Variants in MACROD2 observed in about 807,000 individuals in gnomAD.
MACROD2 encodes ADP-ribose glycohydrolase MACROD2.
Under a neutral mutation model 70.4 loss-of-function variants are expected in MACROD2, and 36 were observed. The ratio of observed to expected loss-of-function variants is 0.51; its 90% CI spans 0.39 to 0.68. The LOEUF is 0.68. MACROD2 is among the 30% of genes least tolerant of loss of function. MACROD2 has a pLI of 0.00. For missense variants in MACROD2, 496 were observed against 538.4 expected, an observed-to-expected ratio of 0.92 and a Z score of 0.78; for synonymous variants, 172 against 178.8, an observed-to-expected ratio of 0.96 and a Z score of 0.30.
intron 6 of MACROD2, among the ~76,000 whole-genome samples, chr20:15,329,225 A>G (rs1188535768): frequency 6.6e-6 from 1 of 152,166 alleles, no homozygotes; most frequent in Non-Finnish European, 1.5e-5. Flanking sequence ...AGAAGATACC[A>G]TAATGAAAAA....
intron 5 of MACROD2, among the ~76,000 whole-genome samples, chr20:14,821,014 G>C (rs1362900793): frequency 6.6e-6 from 1 of 151,996 alleles, no homozygotes; most frequent in Non-Finnish European, 1.5e-5. Context: ...TTAACATAGG[G>C]TCTTACATGC....
chr20:14,275,724 C>G (rs1216719880), intron 3 of MACROD2, among the ~76,000 whole-genome samples: 2 of 152,132 alleles, frequency 1.3e-5, no homozygotes, highest in African/African-American at 4.8e-5. Flanking sequence ...ATTTTCACAA[C>G]CTACTCATCT....
intron 9 of MACROD2, among the ~76,000 whole-genome samples, chr20:15,865,441 C>T (rs1157337966): frequency 6.6e-6 from 1 of 152,052 alleles, no homozygotes; most frequent in African/African-American, 2.4e-5. Context: ...TTTCTATTAG[C>T]CAGCCACAGC....
At chr20:15,234,009 A>ATATATATATT (rs1555795277) in intron 6 of MACROD2, among the ~76,000 whole-genome samples, 1 of 39,994 alleles carries the variant, frequency 2.5e-5, no homozygotes, top group African/African-American at 8.6e-5. Context: ...ATATATATAT[A>ATATATATATT]TTCTTTTTTT....
chr20:14,378,362 G>T (rs1340392390), intron 3 of MACROD2, among the ~76,000 whole-genome samples: 1 of 152,142 alleles, frequency 6.6e-6, no homozygotes, highest in African/African-American at 2.4e-5. Flanking sequence ...GATGGGCACT[G>T]CCTCACTTAA....
chr20:15,371,482 C>T (rs533941162), intron 6 of MACROD2, among the ~76,000 whole-genome samples: 1 of 152,170 alleles, frequency 6.6e-6, no homozygotes, highest in South Asian at 2.1e-4. Context: ...GTTTAATAAT[C>T]ACTTAAACTG....
intron 3 of MACROD2, among the ~76,000 whole-genome samples, chr20:14,087,754 C>T (rs1218022232): frequency 1.3e-5 from 2 of 152,000 alleles, no homozygotes; most frequent in African/African-American, 4.8e-5. Flanking sequence ...GAAGTCCTCT[C>T]CTGTAGTTTT....
chr20:15,833,464 T>G (rs144864944), intron 8 of MACROD2, among the ~76,000 whole-genome samples: 1 of 152,278 alleles, frequency 6.6e-6, no homozygotes, highest in East Asian at 1.9e-4. Flanking sequence ...ACACAAACAT[T>G]CTGATTTAAT....
chr20:14,414,942 T>C (rs63267862), intron 3 of MACROD2, among the ~76,000 whole-genome samples: 9 of 142,562 alleles, frequency 6.3e-5, no homozygotes, highest in Admixed American at 2.9e-4. Context: ...TTTTTTTTTT[T>C]CCCATGGTGT....
At chr20:15,234,009 ATTCTTTTTTTTTTTTTT>A (rs2076987805) in intron 6 of MACROD2, among the ~76,000 whole-genome samples, 6 of 39,992 alleles carry the variant, frequency 1.5e-4, no homozygotes, top group Non-Finnish European at 2.4e-4. Flanking sequence ...ATATATATAT[ATTCTTTTTTTTTTTTTT>A]TTTTTTTTTT....
chr20:13,999,354 T>C (rs1051158812), intron 1 of MACROD2, among the ~76,000 whole-genome samples: 14 of 152,244 alleles, frequency 9.2e-5, no homozygotes, highest in African/African-American at 2.9e-4. Flanking sequence ...ATTTCCGTTA[T>C]ATTCTAATGA....
intron 4 of MACROD2, among the ~76,000 whole-genome samples, chr20:14,506,967 A>G (rs1218458746): frequency 6.6e-6 from 1 of 152,114 alleles, no homozygotes; most frequent in Admixed American, 6.5e-5. Flanking sequence ...GAAATTAATA[A>G]TAATAATCGT....
chr20:14,195,739 C>A (rs1180163807), intron 3 of MACROD2, among the ~76,000 whole-genome samples: 1 of 152,166 alleles, frequency 6.6e-6, no homozygotes, highest in African/African-American at 2.4e-5. Flanking sequence ...TTGGCTGGGG[C>A]AGTTGAGGGA....
chr20:15,667,633 C>T (rs1462480739), intron 8 of MACROD2, among the ~76,000 whole-genome samples: 11 of 152,038 alleles, frequency 7.2e-5, no homozygotes, highest in Non-Finnish European at 1.6e-4. Flanking sequence ...TATTATACCC[C>T]CAAAATGGAC....
chr20:14,665,318 A>C (rs1320256403), intron 4 of MACROD2, among the ~76,000 whole-genome samples: 2 of 151,996 alleles, frequency 1.3e-5, no homozygotes, highest in Non-Finnish European at 2.9e-5. Flanking sequence ...TTGCCAGTTA[A>C]GATTTCAAGA....
At chr20:14,898,373 A>G (rs2073855137) in intron 5 of MACROD2, among the ~76,000 whole-genome samples, 1 of 152,142 alleles carries the variant, frequency 6.6e-6, no homozygotes. Context: ...ACTGGTTACC[A>G]TATATGTTTC....
intron 4 of MACROD2, chr20:14,494,223 C>G (rs1011682586): frequency 2.0e-5 from 3 of 151,860 alleles, no homozygotes; most frequent in Non-Finnish European, 2.9e-5. Context: ...CATATAAGGC[C>G]CAGATGGACA....
Position 14,915,788 on chromosome 20 carries a change from A to T in MACROD2, c.418+230829A>T, listed in dbSNP as rs116867565. On this transcript the variant is annotated intron_variant, in intron 5 of 17. Coordinates refer to ENST00000684519, the MANE Select transcript of MACROD2 (RefSeq NM_001351661.2). ...GCACGGTTGACAAAATAAATTACTA[A>T]ACCAATTGCTTTGGGAGCTTCCAAG... Among the ~76,000 whole-genome samples the T allele has an allele frequency of 7.0e-4, 106 of 152,246 alleles. 2 individuals are homozygous for T. The Middle Eastern group carries it at 0.017, about 24-fold the overall frequency.
rs71340214 is a variant in MACROD2 at position 15,301,591 on chromosome 20, C to CTTTTTTTTTTTTTTTTTTTTTT, written c.540+71532_540+71553dup. 2.4e-3 allele frequency among the ~76,000 whole-genome samples: 198 copies of CTTTTTTTTTTTTTTTTTTTTTT among 81,248 alleles called. 26 individuals are homozygous for CTTTTTTTTTTTTTTTTTTTTTT. Among genetic ancestry groups the CTTTTTTTTTTTTTTTTTTTTTT allele is most frequent in the Middle Eastern group, 9.1e-3 (1 of 110 alleles). 53.3% of individuals were successfully genotyped at this position (81,248 alleles called of 152,430 possible). On this transcript the variant is annotated intron_variant, in intron 6 of 17. Transcript: ENST00000684519. ...GGAAGTTAGTAAGATGGTAGGTGGC[C>CTTTTTTTTTTTTTTTTTTTTTT]TTTTTTTTTTTTTTTTTTTTTTTGT...
Sources: allele counts gnomAD v4.1 joint callset (sites outside exome capture counted in the v4.1 genomes callset), GRCh38; gene constraint gnomAD v4.1.1; transcripts MANE v1.5; gene names NCBI Gene and HGNC (gene_info 2026-07-23, HGNC 2026-07-21).